GRAMD1B: variants seen among roughly 807,000 people sequenced by gnomAD.
GRAMD1B encodes the protein GRAM domain containing 1B.
Under a neutral mutation model 99.7 loss-of-function variants are expected in GRAMD1B, and 37 were observed. The observed-to-expected ratio is 0.37, with a 90% CI of 0.29 to 0.49. The LOEUF is 0.49. GRAMD1B is among the 20% of genes least tolerant of loss of function. The pLI, the probability that GRAMD1B is intolerant of heterozygous loss-of-function variation, is 0.98. For synonymous variants in GRAMD1B, 427 were observed against 387.6 expected (o/e 1.10, Z -1.19); for missense variants, 888 against 1,009.2 (o/e 0.88, Z 1.63).
At chr11:123,458,086 A>G (rs1677790254) in intron 1 of GRAMD1B, among the ~76,000 whole-genome samples, 1 of 152,222 alleles carries the variant, frequency 6.6e-6, no homozygotes, top group Admixed American at 6.5e-5. Context: ...TATGCTACAC[A>G]GAACCTAGTT....
chr11:123,518,376 C>T (rs912985893), intron 2 of GRAMD1B, among the ~76,000 whole-genome samples: 7 of 152,102 alleles, frequency 4.6e-5, no homozygotes, highest in African/African-American at 1.7e-4. Context: ...CTTGTCTCCT[C>T]ATCAAGACAA....
intron 2 of GRAMD1B, among the ~76,000 whole-genome samples, chr11:123,484,664 G>A (rs1565290002): frequency 6.6e-6 from 1 of 151,912 alleles, no homozygotes; most frequent in Non-Finnish European, 1.5e-5. Flanking sequence ...CCTGTGACCG[G>A]CCCCCCCTCC....
intron 2 of GRAMD1B, among the ~76,000 whole-genome samples, chr11:123,559,071 G>T (rs1034040934): frequency 1.6e-4 from 25 of 152,216 alleles, no homozygotes; most frequent in African/African-American, 5.5e-4. Flanking sequence ...CAAAGCATGA[G>T]AATGCATAAG....
intron 1 of GRAMD1B, among the ~76,000 whole-genome samples, chr11:123,423,462 A>G (rs988505716): frequency 1.3e-5 from 2 of 152,166 alleles, no homozygotes; most frequent in East Asian, 1.9e-4. Flanking sequence ...CTCAAAAACT[A>G]TTTGAAAATA....
intron 1 of GRAMD1B, among the ~76,000 whole-genome samples, chr11:123,446,059 ACTGTTGCTCAGCTTGGC>A (rs1949630877): frequency 1.3e-5 from 2 of 152,170 alleles, no homozygotes; most frequent in Non-Finnish European, 2.9e-5. Context: ...CCCAAGACTC[ACTGTTGCTCAGCTTGGC>A]CTGTTGCTTC....
intron 9 of GRAMD1B, among the ~76,000 whole-genome samples, chr11:123,603,982 G>A (rs186329466): frequency 1.3e-5 from 2 of 152,338 alleles, no homozygotes; most frequent in East Asian, 3.9e-4. Context: ...TATGTTGATG[G>A]AACAGAAAGG....
intron 2 of GRAMD1B, among the ~76,000 whole-genome samples, chr11:123,507,417 G>T (rs1940543506): frequency 6.6e-6 from 1 of 152,142 alleles, no homozygotes; most frequent in South Asian, 2.1e-4. Flanking sequence ...CCATCTATTA[G>T]CCTAAATTCC....
Position 123,619,089 on chromosome 11 carries a change from C to G in GRAMD1B, c.2427-18C>G. 1.5e-6 allele frequency: 2 copies of G among 1,376,930 alleles called. No homozygotes were observed. Among genetic ancestry groups the G allele is most frequent in the Non-Finnish European group, 2.0e-6 (2 of 988,328 alleles). 85.3% of individuals were successfully genotyped at this position (1,376,930 alleles called of 1,614,324 possible). ...GCATAACTCCAGCTGCTGGGGTACC[C>G]CTTCTTCTACCCCACAGGTTACCCC... is the stretch of plus-strand genomic sequence containing the variant. On this transcript the variant is annotated intron_variant, in intron 18 of 19. Coordinates refer to ENST00000635736, the MANE Select transcript of GRAMD1B (RefSeq NM_001387025.1).
At chr11:123,553,418 G>C (rs1366528652) in intron 2 of GRAMD1B, among the ~76,000 whole-genome samples, 2 of 152,168 alleles carry the variant, frequency 1.3e-5, no homozygotes, top group Non-Finnish European at 2.9e-5. Context: ...CCCAGGGAAG[G>C]CTTTCATATG....
intron 1 of GRAMD1B, among the ~76,000 whole-genome samples, chr11:123,478,460 G>A (rs1951416026): frequency 1.3e-5 from 2 of 152,214 alleles, no homozygotes; most frequent in Non-Finnish European, 2.9e-5. Context: ...TCTGCCATCT[G>A]AACTGTTTTC....
intron 1 of GRAMD1B, among the ~76,000 whole-genome samples, chr11:123,445,627 C>G (rs190190345): frequency 6.6e-6 from 1 of 151,960 alleles, no homozygotes; most frequent in Non-Finnish European, 1.5e-5. Flanking sequence ...ACCAGCCTGG[C>G]CAACATGGTG....
At chr11:123,366,459 A>G (rs1174716744) in intron 1 of GRAMD1B, among the ~76,000 whole-genome samples, 2 of 152,218 alleles carry the variant, frequency 1.3e-5, no homozygotes, top group African/African-American at 4.8e-5. Context: ...GTGTAATGCT[A>G]GTACTGGGTT....
At chr11:123,462,261 C>T (rs1002475979) in intron 1 of GRAMD1B, among the ~76,000 whole-genome samples, 1 of 152,142 alleles carries the variant, frequency 6.6e-6, no homozygotes, top group Non-Finnish European at 1.5e-5. Context: ...GCCACCGTGC[C>T]GGGCCAGTCA....
intron 1 of GRAMD1B, among the ~76,000 whole-genome samples, chr11:123,450,332 G>A (rs893494621): frequency 3.9e-5 from 6 of 152,130 alleles, no homozygotes; most frequent in Non-Finnish European, 7.4e-5. Context: ...CTCCTGCAGG[G>A]GAAGAGGATT....
chr11:123,584,273 CTGA>C, intron 3 of GRAMD1B, 36 bp from the exon 4 acceptor site: 15 of 951,810 alleles, frequency 1.6e-5, no homozygotes, highest in African/African-American at 2.2e-5. Flanking sequence ...CATTTCTTCC[CTGA>C]CTAATTCTAC....
At position 123,430,495 on chromosome 11, in the gene GRAMD1B, G is replaced by C; in HGVS notation, c.-298G>C. The C allele has an allele frequency of 2.5e-6, 1 of 392,832 alleles. No homozygotes were observed. Among genetic ancestry groups the C allele is most frequent in the Non-Finnish European group, 4.5e-6 (1 of 221,172 alleles). 24.3% of individuals were successfully genotyped at this position (392,832 alleles called of 1,614,324 possible). A position where few individuals can be genotyped will look rare whatever the true frequency, so the allele number is the denominator to read the frequency against. ...GAAGAAAAACAAGCGGGCGCGCGAG[G>C]GGAGCCCCAGGAGGGCTGCCGAGTG... On this transcript the variant is annotated 5_prime_UTR_variant, in exon 1 of 20. Transcript: ENST00000635736.
At chr11:123,491,179 A>C (rs1287277131) in intron 2 of GRAMD1B, among the ~76,000 whole-genome samples, 1 of 152,180 alleles carries the variant, frequency 6.6e-6, no homozygotes, top group African/African-American at 2.4e-5. Context: ...CTAAAAATAC[A>C]AAAATTAGCA....
intron 2 of GRAMD1B, among the ~76,000 whole-genome samples, chr11:123,535,716 T>C (rs780389598): frequency 2.0e-5 from 3 of 152,248 alleles, no homozygotes; most frequent in Non-Finnish European, 2.9e-5. Flanking sequence ...ATGTATATAA[T>C]GTATCCATAC....
In GRAMD1B at chr11:123,480,836, A is replaced by C; in HGVS notation, c.395A>C (p.Gln132Pro). 2.5e-6 allele frequency: 1 copy of C among 399,080 alleles called. No homozygotes were observed. Among genetic ancestry groups the C allele is most frequent in the Non-Finnish European group, 4.4e-6 (1 of 226,188 alleles). The allele number at this position is 399,080 out of a possible 1,614,324, so 24.7% of individuals were successfully genotyped here. Residue 132 changes from glutamine (Q) to proline (P), a missense_variant, in exon 2 of 20, where the codon CAG becomes CCG. Transcript: ENST00000635736. Reference sequence around the variant, plus strand: ...CTCAGCAGCCAACAGAGCAGTCAGCAGAGCAGCCACGATGATGATTCTAGC... The same window carrying C: ...CTCAGCAGCCAACAGAGCAGTCAGCCGAGCAGCCACGATGATGATTCTAGC... ...SESSSQQSSQ[Q>P]SSHDDDSSRF... is the part of the protein sequence containing the mutation.
Sources: allele counts gnomAD v4.1 joint callset (sites outside exome capture counted in the v4.1 genomes callset), GRCh38; gene constraint gnomAD v4.1.1; transcripts MANE v1.5; gene names NCBI Gene and HGNC (gene_info 2026-07-23, HGNC 2026-07-21).